IZUMO3: variants seen among roughly 807,000 people sequenced by gnomAD.
The protein encoded by IZUMO3 is IZUMO family member 3.
A neutral mutation model predicts 28.4 loss-of-function variants in IZUMO3; 36 were observed. The ratio of observed to expected loss-of-function variants is 1.27; its 90% confidence interval spans 0.97 to 1.67. IZUMO3 has a LOEUF of 1.67. IZUMO3 is among the 40% of genes most tolerant of loss of function. The pLI is 0.00. For missense variants in IZUMO3, 387 were observed against 278.5 expected, an observed-to-expected ratio of 1.39 and a Z score of -2.77; for synonymous variants, 126 against 99.2, an observed-to-expected ratio of 1.27 and a Z score of -1.61.
chr9:24,543,505 C>A lies in IZUMO3; in HGVS notation c.582-138G>T, dbSNP rs922786875. ...ACTTCTCCATTTCCTTTTGTTCCAA[C>A]TATTATCCCGTCAAACTTTGCATTT... On this transcript the variant is annotated intron_variant, in intron 6 of 6. Transcript: ENST00000543880. 2.8e-5 allele frequency: 11 copies of A among 397,722 alleles called. No individual in the cohort carries two copies. In the African/African-American group the frequency reaches 3.4e-4, roughly 12 times the overall value. 24.6% of individuals were successfully genotyped at this position (397,722 alleles called of 1,614,324 possible). A position where few individuals can be genotyped will look rare whatever the true frequency, so the allele number is the denominator to read the frequency against.
Position 24,545,435 on chromosome 9 carries a change from A to G in IZUMO3, c.215T>C (p.Leu72Pro). ...CAAGCTTCCCTCACCCAACACCCGA[A>G]GCCTCTTGTCACTGTGGGAGACCTT... Reference protein sequence around the residue: ...SFKVSHSDKRLRVLAVQQVVK... With the variant: ...SFKVSHSDKRPRVLAVQQVVK... Residue 72 changes from leucine to proline, a missense_variant, in exon 1 of 7, where the codon CTT becomes CCT. Leu to Pro is a moderately conservative substitution (Grantham distance 98). Transcript: ENST00000543880. 2 of 1,539,376 alleles carry G rather than the reference A, an allele frequency of 1.3e-6. No homozygotes were observed. Among genetic ancestry groups the G allele is most frequent in the Non-Finnish European group, 1.7e-6 (2 of 1,146,800 alleles).
chr9:24,544,517 G>A (rs1180205321), intron 4 of IZUMO3, among the ~76,000 whole-genome samples: 2 of 152,130 alleles, frequency 1.3e-5, no homozygotes, highest in Non-Finnish European at 2.9e-5. Flanking sequence ...GCAATGGGTT[G>A]TAAACCATAT....
chr9:24,543,024 T>C lies in IZUMO3; in HGVS notation c.*205A>G. The C allele has an allele frequency of 2.3e-6, 1 of 439,832 alleles. No homozygotes were observed. Among genetic ancestry groups the C allele is most frequent in the Non-Finnish European group, 4.0e-6 (1 of 251,668 alleles). 27.2% of individuals were successfully genotyped at this position (439,832 alleles called of 1,614,324 possible). ...TGCAACATACCAGCATTACTTTCTG[T>C]ACAACTCTGGCCAAATTATTTGCTC... On this transcript the variant is annotated 3_prime_UTR_variant, in exon 7 of 7. Transcript: ENST00000543880.
In IZUMO3 at chr9:24,544,735, G is replaced by C. The variant is rs1158556482; in HGVS notation, c.409+8C>G. On this transcript the variant is annotated splice_region_variant and intron_variant, in intron 4 of 6. Transcript: ENST00000543880. ...GAAACCTCAAGGCGTCACATGTACT[G>C]TACTCACTGCAATCTTCAGAACAAG... is the stretch of plus-strand genomic sequence containing the variant. 2 of 1,549,638 alleles carry C rather than the reference G, an allele frequency of 1.3e-6. No homozygotes were observed. The highest frequency in any genetic ancestry group is 2.4e-5 in the East Asian group (1 of 40,890).
In IZUMO3 at chr9:24,543,251, T is replaced by A. The variant is rs1302577137; in HGVS notation, c.698A>T (p.Lys233Ile). The change falls in exon 7 of 7, where the codon AAA becomes ATA. Residue 233 changes from lysine (K) to isoleucine (I), a missense_variant. Coordinates refer to ENST00000543880, the MANE Select transcript of IZUMO3 (RefSeq NM_001365008.2). ...TGTTTATTTTCTGAGTCTAAAGTCT[T>A]TCTCCTCCTTCTCATCTATCTTCCC... ...LMGKIDEKEE[K>I]DFRLRK 2 of 1,546,164 alleles carry A rather than the reference T, an allele frequency of 1.3e-6. No homozygotes were observed. The highest frequency in any genetic ancestry group is 1.7e-6 in the Non-Finnish European group (2 of 1,144,768).
intron 6 of IZUMO3, 68 bp from the exon 7 acceptor site, chr9:24,543,435 A>ATTTT (rs1563907522): frequency 3.4e-4 from 26 of 75,408 alleles, no homozygotes; most frequent in Admixed American, 6.2e-4. Flanking sequence ...CCAGTTATAC[A>ATTTT]TTGTTTTTTT....
At chr9:24,545,335 C>T in intron 1 of IZUMO3, 49 bp from the exon 2 acceptor site, 1 of 1,546,428 alleles carries the variant, frequency 6.5e-7, no homozygotes, top group Non-Finnish European at 8.7e-7. Flanking sequence ...TACATCTATG[C>T]AGGAAGTTAT....
Position 24,543,110 on chromosome 9 carries a change from T to TC in IZUMO3, c.*118dup, listed in dbSNP as rs1477783519. On this transcript the variant is annotated 3_prime_UTR_variant, in exon 7 of 7. Transcript: ENST00000543880. ...CATTTTCATTAGAGAAACTCTAAGT[T>TC]CTATTTCAGTTTTAAAATACTATGA... 5.2e-6 allele frequency: 4 copies of TC among 775,432 alleles called. No individual in the cohort carries two copies. The African/African-American group carries it at 7.2e-5, about 14-fold the overall frequency. 48.0% of individuals were successfully genotyped at this position (775,432 alleles called of 1,614,324 possible).
intron 2 of IZUMO3, 66 bp from the exon 3 acceptor site, chr9:24,545,127 C>T: frequency 6.8e-7 from 1 of 1,478,816 alleles, no homozygotes; most frequent in South Asian, 1.2e-5. Context: ...TTAATTATGT[C>T]TGTTTTTATC....
At position 24,543,163 on chromosome 9, in the gene IZUMO3, C is replaced by A; in HGVS notation, c.*66G>T. On this transcript the variant is annotated 3_prime_UTR_variant, in exon 7 of 7. Transcript: ENST00000543880. ...TTATGACCAAGAAAGGGTTTACCTC[C>A]CAGTTTTGTACTTAGAGTCAACACT... is the stretch of plus-strand genomic sequence containing the variant. 1 of 1,293,812 alleles carries A rather than the reference C, an allele frequency of 7.7e-7. No individual in the cohort carries two copies. Among genetic ancestry groups the A allele is most frequent in the Non-Finnish European group, 1.0e-6 (1 of 968,752 alleles). 80.1% of individuals were successfully genotyped at this position (1,293,812 alleles called of 1,614,324 possible). A position where few individuals can be genotyped will look rare whatever the true frequency, so the allele number is the denominator to read the frequency against.
In IZUMO3 at chr9:24,545,004, A is replaced by T; in HGVS notation, c.359T>A (p.Leu120Gln). Residue 120 changes from leucine to glutamine, a missense_variant, in exon 3 of 7, where the codon CTG becomes CAG. Transcript: ENST00000543880. Reference protein sequence around the residue: ...LDVCQNLESKLKELLKNFSEI... With the variant: ...LDVCQNLESKQKELLKNFSEI... ...AGAGAAGTTCTTTAGTAATTCTTTC[A>T]GTTTGGATTCCAGGTTTTGGCAGAC... 1 of 1,550,672 alleles carries T rather than the reference A, an allele frequency of 6.4e-7. No homozygotes were observed. Among genetic ancestry groups the T allele is most frequent in the East Asian group, 2.4e-5 (1 of 40,908 alleles).
rs1018282025 is a variant in IZUMO3, at chr9:24,543,035, C to T, written c.*194G>A. 2.1e-6 allele frequency: 1 copy of T among 468,888 alleles called. No homozygotes were observed. The highest frequency in any genetic ancestry group is 3.7e-6 in the Non-Finnish European group (1 of 271,438). The allele number at this position is 468,888 out of a possible 1,614,324, so 29.0% of individuals were successfully genotyped here. A position where few individuals can be genotyped will look rare whatever the true frequency, so the allele number is the denominator to read the frequency against. On this transcript the variant is annotated 3_prime_UTR_variant, in exon 7 of 7. Coordinates refer to ENST00000543880, the MANE Select transcript of IZUMO3 (RefSeq NM_001365008.2). ...AGCATTACTTTCTGTACAACTCTGG[C>T]CAAATTATTTGCTCTCCCATTACTT...
In IZUMO3 at chr9:24,545,608, G is replaced by A. The variant is rs779684724; in HGVS notation, c.42C>T (p.Ala14=). 3.4e-5 allele frequency: 52 copies of A among 1,535,214 alleles called. No individual in the cohort carries two copies. The African/African-American group carries it at 5.9e-4, about 17-fold the overall frequency. Residue 14 remains alanine, a synonymous_variant, in exon 1 of 7, where the codon GCC becomes GCT. Transcript: ENST00000543880. ...CTAAACAGCCTTTGACTCCATGGAA[G>A]GCTGAGAGGGGCAGGAGCAGGAATA... ...LWLFLLLPLS[A]FHGVKGCLEC...
rs1301326112 is a variant in IZUMO3, at chr9:24,543,669, C to T, written c.576G>A (p.Val192=). ...TTTGGAGAGAAGAAACTCACAGTAACACAGCACTTCCCAGTATTACAGCTG... is the reference window on the plus strand; with the variant it reads ...TTTGGAGAGAAGAAACTCACAGTAATACAGCACTTCCCAGTATTACAGCTG... ...LATAVILGSA[V]LLFHFCIFHR... The change falls in exon 6 of 7, where the codon GTG becomes GTA. Residue 192 remains valine, a synonymous_variant. Transcript: ENST00000543880. The T allele has an allele frequency of 6.5e-7, 1 of 1,541,456 alleles. No individual in the cohort carries two copies.
chr9:24,543,739 T>C lies in IZUMO3; in HGVS notation c.506A>G (p.Lys169Arg), dbSNP rs1236092711. The C allele has an allele frequency of 2.6e-6, 4 of 1,548,582 alleles. No individual in the cohort carries two copies. Among genetic ancestry groups the C allele is most frequent in the Non-Finnish European group, 3.5e-6 (4 of 1,145,488 alleles). Residue 169 changes from lysine (K) to arginine (R), a missense_variant, in exon 6 of 7, where the codon AAG (lysine) becomes AGG (arginine). Physicochemically the swap from Lys to Arg is conservative, Grantham distance 26 (BLOSUM62 2). Transcript: ENST00000543880. The stretch of plus-strand genomic sequence containing the variant: ...TAGAGCAATCTCTCGATTCTCAGCC[T>C]TTCTTGGATCCTCGTCTGGAAGGAG... The part of the protein sequence containing the change: ...GEYCGDEDPR[K>R]AENREIALFL...
chr9:24,543,221 T>G lies in IZUMO3; in HGVS notation c.*8A>C. On this transcript the variant is annotated 3_prime_UTR_variant, in exon 7 of 7. Coordinates refer to ENST00000543880, the MANE Select transcript of IZUMO3 (RefSeq NM_001365008.2). ...ATCATGAAAGACTTCTTGTCCATGTTGATGTGTTTATTTTCTGAGTCTAAA... is the reference window on the plus strand; with the variant it reads ...ATCATGAAAGACTTCTTGTCCATGTGGATGTGTTTATTTTCTGAGTCTAAA... The G allele has an allele frequency of 1.3e-6, 2 of 1,537,800 alleles. No individual in the cohort carries two copies. The highest frequency in any genetic ancestry group is 1.8e-6 in the Non-Finnish European group (2 of 1,140,768).
chr9:24,545,666 G>T lies in IZUMO3; in HGVS notation c.-17C>A, dbSNP rs747594175. On this transcript the variant is annotated 5_prime_UTR_variant, in exon 1 of 7. Transcript: ENST00000543880. ...GTCACCCATTTCTTTCTTCACCCCC[G>T]CTCCCCGACAGCAGGTTGTCCTGGC... The T allele has an allele frequency of 8.5e-6, 13 of 1,534,426 alleles. No individual in the cohort carries two copies. The highest frequency in any genetic ancestry group is 1.0e-5 in the Non-Finnish European group (12 of 1,146,460).
In IZUMO3 at chr9:24,543,001, C is replaced by T; in HGVS notation, c.*228G>A. The T allele has an allele frequency of 8.0e-6, 3 of 377,086 alleles. No homozygotes were observed. Among genetic ancestry groups the T allele is most frequent in the Non-Finnish European group, 9.4e-6 (2 of 212,814 alleles). 23.4% of individuals were successfully genotyped at this position (377,086 alleles called of 1,614,324 possible). A position where few individuals can be genotyped will look rare whatever the true frequency, so the allele number is the denominator to read the frequency against. On this transcript the variant is annotated 3_prime_UTR_variant, in exon 7 of 7. Coordinates refer to ENST00000543880, the MANE Select transcript of IZUMO3 (RefSeq NM_001365008.2). ...AGCATATTATCTTTCCTGTGCATTG[C>T]AACATACCAGCATTACTTTCTGTAC...
rs771327617 is a variant in IZUMO3 at position 24,543,343 on chromosome 9, C to A, written c.606G>T (p.Arg202=). 4.5e-6 allele frequency: 7 copies of A among 1,545,546 alleles called. No homozygotes were observed. The highest frequency in any genetic ancestry group is 2.0e-5 in the Admixed American group (1 of 50,420). Residue 202 remains arginine (R), a synonymous_variant, in exon 7 of 7, where the codon CGG becomes CGT. Coordinates refer to ENST00000543880, the MANE Select transcript of IZUMO3 (RefSeq NM_001365008.2). ...ACCTTCGTATTGCCTTCATTTTCCT[C>A]CGATGAAAGATGCAAAAATGGAATC... ...VLLFHFCIFH[R]RKMKAIRRSL... is the part of the protein sequence containing the mutation.
Sources: gnomAD v4.1 joint callset for allele counts (sites outside exome capture counted in the v4.1 genomes callset) on GRCh38, gnomAD v4.1.1 for gene constraint, MANE v1.5 for transcripts, NCBI Gene and HGNC (gene_info 2026-07-23, HGNC 2026-07-21) for gene names.